ANO3: variants seen among roughly 807,000 people sequenced by gnomAD.
The protein encoded by ANO3 is anoctamin 3, also known as anoctamin-3.
A neutral mutation model predicts 144.8 loss-of-function variants in ANO3; 99 were observed. The ratio of observed to expected loss-of-function variants is 0.68; its 90% CI spans 0.58 to 0.81. The LOEUF is 0.81. Among genes scored for constraint, ANO3 ranks in the 30% least tolerant of loss-of-function variants. ANO3 has a pLI of 0.00. For synonymous variants in ANO3, 414 were observed against 392.6 expected (o/e 1.05, Z -0.64); for missense variants, 905 against 1,202.2 (o/e 0.75, Z 3.66).
chr11:26,269,712 G>A (rs1344558446), intron 1 of ANO3, among the ~76,000 whole-genome samples: 1 of 152,176 alleles, frequency 6.6e-6, no homozygotes, highest in East Asian at 1.9e-4. Flanking sequence ...ATCCTAAGGA[G>A]TCACGGAGTC....
intron 14 of ANO3, among the ~76,000 whole-genome samples, chr11:26,590,002 A>G (rs952222532): frequency 1.3e-5 from 2 of 152,064 alleles, no homozygotes; most frequent in African/African-American, 2.4e-5. Context: ...AAGAGGATCT[A>G]TAGAGAGCTC....
At chr11:26,451,370 T>C (rs567723076) in intron 3 of ANO3, among the ~76,000 whole-genome samples, 1 of 152,202 alleles carries the variant, frequency 6.6e-6, no homozygotes, top group East Asian at 1.9e-4. Context: ...GAAAATCGGG[T>C]CACTCCCACC....
intron 14 of ANO3, among the ~76,000 whole-genome samples, chr11:26,594,539 G>A (rs1241276137): frequency 6.6e-6 from 1 of 152,174 alleles, no homozygotes; most frequent in East Asian, 1.9e-4. Flanking sequence ...GAGGGAAAAA[G>A]GTACATGCAC....
intron 1 of ANO3, among the ~76,000 whole-genome samples, chr11:26,434,875 T>G (rs1486670383): frequency 6.6e-6 from 1 of 152,160 alleles, no homozygotes; most frequent in Non-Finnish European, 1.5e-5. Context: ...TGCCATATAG[T>G]GATGAGAAGA....
At chr11:26,246,122 T>G (rs1400191496) in intron 1 of ANO3, among the ~76,000 whole-genome samples, 6 of 152,086 alleles carry the variant, frequency 3.9e-5, no homozygotes. Context: ...AGGGAGACCT[T>G]AAGGCATCTT....
At chr11:26,194,839 T>G (rs1851553155) in intron 1 of ANO3, among the ~76,000 whole-genome samples, 1 of 152,146 alleles carries the variant, frequency 6.6e-6, no homozygotes, top group Non-Finnish European at 1.5e-5. Flanking sequence ...GTGCTGGGAT[T>G]ACAAGTGTGA....
intron 4 of ANO3, among the ~76,000 whole-genome samples, chr11:26,504,564 A>G (rs1047259399): frequency 9.6e-6 from 1 of 103,688 alleles, no homozygotes; most frequent in African/African-American, 3.0e-5. Context: ...AGAAGGTAGC[A>G]GATGCTAAGA....
At position 26,577,891 on chromosome 11, in the gene ANO3, A is replaced by G. The variant is rs559396349; in HGVS notation, c.1447+18112A>G. On this transcript the variant is annotated intron_variant, in intron 14 of 26. Coordinates refer to ENST00000256737, the MANE Select transcript of ANO3 (RefSeq NM_031418.4). ...AGGCACAAAGGGAGGAAAGGATAGT[A>G]AAAATATGATAGGATCAATGAACTG... 2.0e-5 allele frequency among the ~76,000 whole-genome samples: 3 copies of G among 152,338 alleles called. No homozygotes were observed. In the East Asian group the frequency reaches 5.8e-4, roughly 29 times the overall value.
At chr11:26,459,657 G>T (rs541438906) in intron 3 of ANO3, among the ~76,000 whole-genome samples, 5 of 151,936 alleles carry the variant, frequency 3.3e-5, no homozygotes, top group Non-Finnish European at 7.4e-5. Context: ...ATACCTTAGT[G>T]AGGGGAACAA....
intron 1 of ANO3, among the ~76,000 whole-genome samples, chr11:26,295,809 A>G (rs1011028837): frequency 5.3e-5 from 8 of 152,152 alleles, no homozygotes; most frequent in East Asian, 1.9e-4. Context: ...ACAGAGCCTA[A>G]CAGTTTGAGC....
At chr11:26,538,694 A>G (rs1849571492) in intron 10 of ANO3, among the ~76,000 whole-genome samples, 1 of 152,182 alleles carries the variant, frequency 6.6e-6, no homozygotes. Flanking sequence ...GAAATTTGGG[A>G]CTTATTATAA....
chr11:26,355,565 TC>T lies in ANO3; in HGVS notation c.46+23245del, dbSNP rs201225336. Among the ~76,000 whole-genome samples, 631 of 146,872 alleles carry T rather than the reference TC, an allele frequency of 4.3e-3. 9 individuals carry two copies. Among genetic ancestry groups the T allele is most frequent in the African/African-American group, 0.01 (419 of 40,352 alleles). On this transcript the variant is annotated intron_variant, in intron 1 of 26. Transcript: ENST00000256737. ...CCTGAAATTTCTTTCTTTCTTTCTT[TC>T]TTTTTTTTTTGAGATGAAGTTTCAC...
At chr11:26,421,939 GC>G (rs1457538575) in intron 1 of ANO3, among the ~76,000 whole-genome samples, 6 of 151,984 alleles carry the variant, frequency 3.9e-5, no homozygotes, top group African/African-American at 1.4e-4. Flanking sequence ...ACACACTGGG[GC>G]CTTTCAGAGG....
At chr11:26,375,843 AAGC>A (rs1250756149) in intron 1 of ANO3, among the ~76,000 whole-genome samples, 1 of 152,154 alleles carries the variant, frequency 6.6e-6, no homozygotes. Flanking sequence ...GAAAAGAAAC[AAGC>A]AGCAGCAGCA....
intron 13 of ANO3, among the ~76,000 whole-genome samples, chr11:26,556,367 A>G (rs886767516): frequency 6.9e-6 from 1 of 144,762 alleles, no homozygotes; most frequent in Non-Finnish European, 1.6e-5. Flanking sequence ...TGTTTAACAA[A>G]CATGTACTCA....
At chr11:26,608,082 G>A (rs554935944) in intron 17 of ANO3, among the ~76,000 whole-genome samples, 9 of 152,214 alleles carry the variant, frequency 5.9e-5, no homozygotes, top group African/African-American at 1.7e-4. Flanking sequence ...GTCTAGTTTC[G>A]ATCTTTGAGA....
intron 17 of ANO3, among the ~76,000 whole-genome samples, chr11:26,607,377 G>A (rs1273344341): frequency 6.6e-6 from 1 of 152,080 alleles, no homozygotes; most frequent in African/African-American, 2.4e-5. Context: ...TTGCTAAGTT[G>A]GGGAAGTTCT....
intron 2 of ANO3, among the ~76,000 whole-genome samples, chr11:26,443,359 T>A (rs1858590512): frequency 6.6e-6 from 1 of 152,046 alleles, no homozygotes; most frequent in Admixed American, 6.6e-5. Context: ...CCCAGCACTT[T>A]GGGAGGCCAA....
At chr11:26,280,866 T>A (rs1308299601) in intron 1 of ANO3, among the ~76,000 whole-genome samples, 1 of 152,216 alleles carries the variant, frequency 6.6e-6, no homozygotes, top group Non-Finnish European at 1.5e-5. Flanking sequence ...CCATAAGGCC[T>A]CTGCACAAAA....
Sources: allele counts gnomAD v4.1 joint callset (sites outside exome capture counted in the v4.1 genomes callset), GRCh38; gene constraint gnomAD v4.1.1; transcripts MANE v1.5; gene names NCBI Gene and HGNC (gene_info 2026-07-23, HGNC 2026-07-21).